The following EFHC2 variants were observed in gnomAD, a reference collection of about 807,000 sequenced individuals.
EFHC2 encodes the protein EF-hand domain containing 2.
A neutral mutation model predicts 52.7 loss-of-function variants in EFHC2; 18 were observed. The observed-to-expected ratio is 0.34, with a 90% CI of 0.24 to 0.51. The LOEUF is 0.51. Ranked by LOEUF, EFHC2 falls within the 20% of genes least tolerant of loss-of-function variation. The pLI, the probability that EFHC2 is intolerant of heterozygous loss-of-function variation, is 0.97. For missense variants in EFHC2, 513 were observed against 562.5 expected, an observed-to-expected ratio of 0.91 and a Z score of 0.89; for synonymous variants, 203 against 204.1, an observed-to-expected ratio of 0.99 and a Z score of 0.04.
At chrX:44,191,200 G>C (rs910744367) in intron 11 of EFHC2, among the ~76,000 whole-genome samples, 4 of 111,121 alleles carry the variant, frequency 3.6e-5, no homozygotes, top group Non-Finnish European at 7.5e-5. Flanking sequence ...GCCACTCACT[G>C]ATTCACCAAA....
In EFHC2 at chrX:44,235,425, G is replaced by A. The variant is rs764485333; in HGVS notation, c.1303C>T (p.Leu435Phe). The change falls in exon 9 of 15, where the codon CTC becomes TTC. Residue 435 changes from leucine to phenylalanine, a missense_variant. Transcript: ENST00000420999. ...GTGACTAGTTTTGCAAAAAAACGGAGTATATTGCTTTTGGAGCCATAGCTA... is the reference window on the plus strand; with the variant it reads ...GTGACTAGTTTTGCAAAAAAACGGAATATATTGCTTTTGGAGCCATAGCTA... ...KDSYGSKSNI[L>F]RFFAKLVTDK... 1.7e-6 allele frequency: 2 copies of A among 1,192,709 alleles called. No individual in the cohort carries two copies. Among genetic ancestry groups the A allele is most frequent in the Non-Finnish European group, 2.3e-6 (2 of 886,097 alleles).
At position 44,272,809 on chromosome X, in the gene EFHC2, C is replaced by T; in HGVS notation, c.259G>A (p.Glu87Lys). ...GTTTGGCTTTTATCAAGTACTTCCT[C>T]TTCCAAATAGGCATCAAAAGATAAT... ...QVLSFDAYLE[E>K]EVLDKSQTNY... The change falls in exon 3 of 15, where the codon GAG becomes AAG. Residue 87 changes from glutamate to lysine, a missense_variant. Physicochemically the swap from Glu to Lys is moderately conservative, Grantham distance 56 (BLOSUM62 1). Coordinates refer to ENST00000420999, the MANE Select transcript of EFHC2 (RefSeq NM_025184.4). The T allele has an allele frequency of 8.6e-7, 1 of 1,164,051 alleles. No homozygotes were observed. Among genetic ancestry groups the T allele is most frequent in the Non-Finnish European group, 1.2e-6 (1 of 869,463 alleles).
chrX:44,220,365 T>C (rs1479029586), intron 11 of EFHC2, among the ~76,000 whole-genome samples: 1 of 111,759 alleles, frequency 8.9e-6, no homozygotes, highest in Non-Finnish European at 1.9e-5. Flanking sequence ...GTGTAAATGA[T>C]ATGTATTTCT....
Position 44,242,304 on chromosome X carries a change from A to G in EFHC2, c.1112-15T>C. The stretch of plus-strand genomic sequence containing the variant: ...GGTAAAGTTCTCTAGAACAAAACAA[A>G]GGCAAACAAAACATCAATATTTTTT... On this transcript the variant is annotated splice_polypyrimidine_tract_variant and intron_variant, in intron 7 of 14. Transcript: ENST00000420999. 8.4e-7 allele frequency: 1 copy of G among 1,197,248 alleles called. No homozygotes were observed. Among genetic ancestry groups the G allele is most frequent in the East Asian group, 3.0e-5 (1 of 33,560 alleles).
At chrX:44,255,182 A>C (rs2037482155) in intron 4 of EFHC2, among the ~76,000 whole-genome samples, 1 of 112,282 alleles carries the variant, frequency 8.9e-6, no homozygotes, top group African/African-American at 3.2e-5. Flanking sequence ...CCAAATTATA[A>C]AGACCATTGA....
chrX:44,310,158 A>G (rs774442181), intron 2 of EFHC2: 3 of 683,435 alleles, frequency 4.4e-6, no homozygotes, highest in Admixed American at 2.2e-5. Flanking sequence ...GGACAGGTCC[A>G]CCTCCTCGGT....
intron 7 of EFHC2, among the ~76,000 whole-genome samples, chrX:44,243,799 G>C (rs777706569): frequency 8.9e-6 from 1 of 111,780 alleles, no homozygotes; most frequent in Non-Finnish European, 1.9e-5. Flanking sequence ...TGATTTTAAA[G>C]AAAAGTCTTG....
chrX:44,154,905 G>C (rs2036596170), intron 14 of EFHC2, among the ~76,000 whole-genome samples: 2 of 111,309 alleles, frequency 1.8e-5, no homozygotes, highest in South Asian at 7.6e-4. Context: ...GTCAGATGTA[G>C]ATTCTATGCA....
intron 11 of EFHC2, among the ~76,000 whole-genome samples, chrX:44,204,234 CA>C (rs61512189): frequency 0.13 from 7,083 of 55,375 alleles, 325 homozygotes; most frequent in African/African-American, 0.19. Context: ...GTAGCAAACC[CA>C]AAAAAAAAAA....
At chrX:44,237,115 T>C (rs1201414120) in intron 8 of EFHC2, among the ~76,000 whole-genome samples, 1 of 110,493 alleles carries the variant, frequency 9.1e-6, no homozygotes, top group Non-Finnish European at 1.9e-5. Context: ...GTTTATTATA[T>C]ATAAAAGTCA....
intron 11 of EFHC2, among the ~76,000 whole-genome samples, chrX:44,188,317 G>T (rs1424632483): frequency 9.0e-6 from 1 of 111,489 alleles, no homozygotes; most frequent in African/African-American, 3.3e-5. Context: ...AAGTAAAAAT[G>T]ATGTCTCATT....
At chrX:44,322,999 C>T (rs2038031286) in intron 1 of EFHC2, among the ~76,000 whole-genome samples, 1 of 110,497 alleles carries the variant, frequency 9.1e-6, no homozygotes, top group African/African-American at 3.3e-5. Context: ...GGTGACAGAG[C>T]AAGACTCCGT....
At position 44,232,499 on chromosome X, in the gene EFHC2, C is replaced by A. The variant is rs1233665574; in HGVS notation, c.1602G>T (p.Met534Ile). ...LNADEYTLNY[M>I]EQNTDKYPFS... Reference sequence around the variant, plus strand: ...AATTCACCTTATCTGTATTCTGCTCCATGTAGTTTAAGGTATACTCATCAG... The same window carrying A: ...AATTCACCTTATCTGTATTCTGCTCAATGTAGTTTAAGGTATACTCATCAG... The change falls in exon 10 of 15, where the codon ATG (methionine) becomes ATT (isoleucine). Residue 534 changes from methionine to isoleucine, a missense_variant. Coordinates refer to ENST00000420999, the MANE Select transcript of EFHC2 (RefSeq NM_025184.4). 1 of 1,129,247 alleles carries A rather than the reference C, an allele frequency of 8.9e-7. No individual in the cohort carries two copies. Among genetic ancestry groups the A allele is most frequent in the Admixed American group, 2.8e-5 (1 of 35,116 alleles). The allele number at this position is 1,129,247 out of a possible 1,213,427, so 93.1% of individuals were successfully genotyped here. A position where few individuals can be genotyped will look rare whatever the true frequency, so the allele number is the denominator to read the frequency against.
At chrX:44,183,474 G>C (rs1424067403) in intron 11 of EFHC2, among the ~76,000 whole-genome samples, 3 of 112,001 alleles carry the variant, frequency 2.7e-5, no homozygotes, top group African/African-American at 9.7e-5. Context: ...TCTGCAGCTA[G>C]AGTATTGCCA....
chrX:44,261,102 T>G lies in EFHC2; in HGVS notation c.579A>C (p.Glu193Asp). 8.3e-7 allele frequency: 1 copy of G among 1,211,220 alleles called. No homozygotes were observed. The highest frequency in any genetic ancestry group is 1.8e-5 in the South Asian group (1 of 56,941). ...CTCTCCGAATCTTCATGTAAGGATC[T>G]TCTGGACATTGCACTGGGGGATTCA... ...VKVNPPVQCP[E>D]DPYMKIRREV... The change falls in exon 4 of 15, where the codon GAA becomes GAC. Residue 193 changes from glutamate (E) to aspartate (D), a missense_variant. Coordinates refer to ENST00000420999, the MANE Select transcript of EFHC2 (RefSeq NM_025184.4).
intron 1 of EFHC2, among the ~76,000 whole-genome samples, chrX:44,316,113 C>T (rs1239476959): frequency 1.8e-5 from 2 of 111,703 alleles, no homozygotes; most frequent in African/African-American, 6.5e-5. Flanking sequence ...AAAGCCCTTG[C>T]CACCGTTGAA....
chrX:44,291,208 T>C (rs1052950719), intron 2 of EFHC2, among the ~76,000 whole-genome samples: 1 of 111,805 alleles, frequency 8.9e-6, no homozygotes, highest in African/African-American at 3.3e-5. Flanking sequence ...CAAATTCTTA[T>C]TTTTTTCCTC....
At chrX:44,198,784 C>T (rs765871304) in intron 11 of EFHC2, among the ~76,000 whole-genome samples, 5 of 110,853 alleles carry the variant, frequency 4.5e-5, no homozygotes, top group Non-Finnish European at 7.6e-5. Flanking sequence ...ACAAGACCTC[C>T]AGTCCAGGAG....
At chrX:44,158,429 C>G (rs953416820) in intron 14 of EFHC2, among the ~76,000 whole-genome samples, 10 of 111,207 alleles carry the variant, frequency 9.0e-5, no homozygotes, top group Admixed American at 2.9e-4. Flanking sequence ...GGCTCATATA[C>G]TGGAGGAAGG....
Sources: gnomAD v4.1 joint callset for allele counts (sites outside exome capture counted in the v4.1 genomes callset) on GRCh38, gnomAD v4.1.1 for gene constraint, MANE v1.5 for transcripts, NCBI Gene and HGNC (gene_info 2026-07-23, HGNC 2026-07-21) for gene names.